The following KIF15 variants were observed in gnomAD, a reference collection of about 807,000 sequenced individuals.
KIF15 encodes the protein kinesin-like protein KIF15.
Under a neutral mutation model 190.6 loss-of-function variants are expected in KIF15, and 140 were observed. The ratio of observed to expected loss-of-function variants is 0.73; its 90% CI spans 0.64 to 0.84. The LOEUF is 0.84. Among genes scored for constraint, KIF15 ranks in the 40% least tolerant of loss-of-function variants. KIF15 has a pLI of 0.00. For missense variants in KIF15, 1,372 were observed against 1,584.4 expected (o/e 0.87, Z 2.28); for synonymous variants, 528 against 551.3 (o/e 0.96, Z 0.59).
chr3:44,805,802 A>G (rs752869710), intron 15 of KIF15, 43 bp from the exon 16 acceptor site: 3 of 1,558,810 alleles, frequency 1.9e-6, no homozygotes, highest in Non-Finnish European at 2.6e-6. Context: ...AATGTTTGAC[A>G]TTACTTATTA....
chr3:44,820,502 C>A (rs1708221785), intron 20 of KIF15, among the ~76,000 whole-genome samples: 2 of 152,122 alleles, frequency 1.3e-5, no homozygotes, highest in Non-Finnish European at 2.9e-5. Flanking sequence ...CTGCGGCCTT[C>A]CGCAGTGTTT....
intron 6 of KIF15, 35 bp from the exon 7 acceptor site, chr3:44,786,360 A>T (rs1362487395): frequency 3.9e-6 from 6 of 1,554,216 alleles, no homozygotes; most frequent in Non-Finnish European, 5.2e-6. Context: ...GAACACATGA[A>T]AATAATGTAT....
At chr3:44,857,450 A>G (rs903258571), downstream of KIF15, among the ~76,000 whole-genome samples, 11 of 152,200 alleles carry the variant, frequency 7.2e-5, no homozygotes, top group Admixed American at 2.0e-4. Context: ...CAAAAAGGCT[A>G]TGGGGCGCGG....
intron 6 of KIF15, among the ~76,000 whole-genome samples, chr3:44,786,184 G>C (rs7650535): frequency 0.6 from 90,678 of 152,020 alleles, 27,576 homozygotes; most frequent in East Asian, 0.88. Flanking sequence ...CCACTGCACT[G>C]CAGCCTGGAC....
rs1198449286 is a variant in KIF15, at chr3:44,797,615, T to C, written c.914T>C (p.Val305Ala). ...CAAGTGATTACAGCACTTGTCGACGTGGGTAATGGAAAACAGAGACATGTT... is the reference window on the plus strand; with the variant it reads ...CAAGTGATTACAGCACTTGTCGACGCGGGTAATGGAAAACAGAGACATGTT... The part of the protein sequence containing the change: ...LGQVITALVD[V>A]GNGKQRHVCY... The change falls in exon 9 of 35, where the codon GTG becomes GCG. Residue 305 changes from valine (V) to alanine (A), a missense_variant. Transcript: ENST00000326047. 6.2e-7 allele frequency: 1 copy of C among 1,614,092 alleles called. No homozygotes were observed. Among genetic ancestry groups the C allele is most frequent in the South Asian group, 1.1e-5 (1 of 91,084 alleles).
intron 27 of KIF15, among the ~76,000 whole-genome samples, chr3:44,839,635 A>G (rs1296049321): frequency 6.6e-6 from 1 of 152,140 alleles, no homozygotes. Flanking sequence ...CTCCTGTCCA[A>G]CTGAAACTAT....
chr3:44,771,994 A>G (rs1198848471), intron 1 of KIF15, among the ~76,000 whole-genome samples: 1 of 152,226 alleles, frequency 6.6e-6, no homozygotes, highest in East Asian at 1.9e-4. Flanking sequence ...TCAAAGATTA[A>G]AGTCATGTGA....
chr3:44,843,755 C>T (rs1036170929), intron 30 of KIF15, among the ~76,000 whole-genome samples: 12 of 152,118 alleles, frequency 7.9e-5, no homozygotes, highest in Non-Finnish European at 1.3e-4. Flanking sequence ...TGCATAGTGT[C>T]GGGGCAGCCA....
intron 16 of KIF15, among the ~76,000 whole-genome samples, chr3:44,808,495 G>A (rs1707622572): frequency 6.6e-6 from 1 of 151,934 alleles, no homozygotes; most frequent in Non-Finnish European, 1.5e-5. Context: ...CACAATCCCT[G>A]GAGGTAGTTT....
At position 44,851,860 on chromosome 3, in the gene KIF15, A is replaced by G; in HGVS notation, c.3880A>G (p.Thr1294Ala). ...TAGAATGACTGATGAAGTCGAACGA[A>G]CCCAAACTTTGGAGTCTAAAGCATT... ...CLRMTDEVER[T>A]QTLESKAFQE... The change falls in exon 33 of 35, where the codon ACC becomes GCC. Residue 1294 changes from threonine to alanine, a missense_variant. Thr to Ala is a moderately conservative substitution (Grantham distance 58). Coordinates refer to ENST00000326047, the MANE Select transcript of KIF15 (RefSeq NM_020242.3). 1 of 1,614,064 alleles carries G rather than the reference A, an allele frequency of 6.2e-7. No individual in the cohort carries two copies.
At chr3:44,843,386 CT>C in intron 30 of KIF15, 152 bp downstream of exon 30, 1 of 599,120 alleles carries the variant, frequency 1.7e-6, no homozygotes, top group Non-Finnish European at 2.9e-6. Context: ...TGAATCAAGT[CT>C]GATCTGTTCA....
At chr3:44,827,667 A>G in intron 23 of KIF15, 139 bp downstream of exon 23, 2 of 511,134 alleles carry the variant, frequency 3.9e-6, no homozygotes, top group Non-Finnish European at 6.9e-6. Context: ...GGCTGGTTCT[A>G]TTATTTTTAA....
At chr3:44,815,537 A>G (rs923672307) in intron 20 of KIF15, among the ~76,000 whole-genome samples, 2 of 152,232 alleles carry the variant, frequency 1.3e-5, no homozygotes, top group South Asian at 4.1e-4. Context: ...CTGGCCTGAC[A>G]TAGAGTAATG....
At chr3:44,775,039 G>T (rs934417185) in intron 2 of KIF15, among the ~76,000 whole-genome samples, 2 of 152,032 alleles carry the variant, frequency 1.3e-5, no homozygotes, top group African/African-American at 4.8e-5. Flanking sequence ...GGTGGAGGTT[G>T]CAGTGAGCCA....
At chr3:44,838,756 A>AG (rs1698449062) in intron 27 of KIF15, among the ~76,000 whole-genome samples, 1 of 151,632 alleles carries the variant, frequency 6.6e-6, no homozygotes, top group African/African-American at 2.4e-5. Flanking sequence ...TCAAAAAAAA[A>AG]AAAAAAAAAA....
Position 44,801,842 on chromosome 3 carries a change from T to C in KIF15, c.1377T>C (p.Ile459=). 1 of 1,611,654 alleles carries C rather than the reference T, an allele frequency of 6.2e-7. No homozygotes were observed. Among genetic ancestry groups the C allele is most frequent in the Non-Finnish European group, 8.5e-7 (1 of 1,178,040 alleles). Residue 459 remains isoleucine, a synonymous_variant, in exon 13 of 35, where the codon ATT becomes ATC. Coordinates refer to ENST00000326047, the MANE Select transcript of KIF15 (RefSeq NM_020242.3). ...KEKFIQSNKM[I]VKFREDQIIR... is the part of the protein sequence containing the mutation. ...AATTTATTCAATCTAATAAAATGAT[T>C]GTGAAATTCCGAGAGGATCAAATAA...
intron 16 of KIF15, among the ~76,000 whole-genome samples, chr3:44,808,697 G>C (rs1357592182): frequency 1.3e-5 from 2 of 151,070 alleles, no homozygotes; most frequent in Admixed American, 1.3e-4. Flanking sequence ...ACATTAACTG[G>C]TACCTAGAGC....
chr3:44,785,041 T>C, intron 6 of KIF15, 99 bp downstream of exon 6: 2 of 635,694 alleles, frequency 3.1e-6, no homozygotes, highest in Non-Finnish European at 5.5e-6. Context: ...GCATGGATGG[T>C]ACTCTACAAT....
chr3:44,800,291 CT>C (rs35380789), intron 10 of KIF15, 22 bp from the exon 11 acceptor site: 2 of 1,611,056 alleles, frequency 1.2e-6, no homozygotes, highest in Non-Finnish European at 1.7e-6. Context: ...TATTTTAATG[CT>C]TTTTAAAAAA....
Sources: allele counts gnomAD v4.1 joint callset (sites outside exome capture counted in the v4.1 genomes callset), GRCh38; gene constraint gnomAD v4.1.1; transcripts MANE v1.5; gene names NCBI Gene and HGNC (gene_info 2026-07-23, HGNC 2026-07-21).